Variants in SMARCA2 observed in about 807,000 individuals in gnomAD.
The protein encoded by SMARCA2 is SWI/SNF-related matrix-associated actin-dependent regulator of chromatin subfamily A member 2.
In SMARCA2, 61 loss-of-function variants were observed where a neutral mutation model predicts 199.8. That is an observed-to-expected ratio of 0.31 (90% CI 0.25 to 0.38). SMARCA2 has a LOEUF of 0.38. Ranked by LOEUF, SMARCA2 falls within the 10% of genes least tolerant of loss-of-function variation. SMARCA2 has a pLI of 1.00. For missense variants in SMARCA2, 1,344 were observed against 2,012.2 expected, an observed-to-expected ratio of 0.67 and a Z score of 6.35; for synonymous variants, 935 against 732.0, an observed-to-expected ratio of 1.28 and a Z score of -4.48.
chr9:2,173,134 C>T (rs1826347834), intron 29 of SMARCA2, among the ~76,000 whole-genome samples: 1 of 152,124 alleles, frequency 6.6e-6, no homozygotes, highest in Non-Finnish European at 1.5e-5. Context: ...ACAGCGGTGC[C>T]ATTTACAGAA....
At chr9:2,080,154 C>T (rs977665571) in intron 14 of SMARCA2, 1 of 152,228 alleles carries the variant, frequency 6.6e-6, no homozygotes, top group African/African-American at 2.4e-5. Flanking sequence ...TCATTCTCTC[C>T]ATGAGTAAGC....
At chr9:2,159,943 T>G (rs748467510) in intron 27 of SMARCA2, 251 of 1,588,520 alleles carry the variant, frequency 1.6e-4, no homozygotes, top group Non-Finnish European at 2.1e-4. Flanking sequence ...TCTTGAAGAT[T>G]CAGTAGAACT....
chr9:2,159,325 A>G, intron 27 of SMARCA2: 1 of 276,984 alleles, frequency 3.6e-6, no homozygotes. Context: ...GAGCAGAATA[A>G]CATATTATGT....
At chr9:2,189,635 T>C (rs531398236) in intron 32 of SMARCA2, among the ~76,000 whole-genome samples, 188 of 152,238 alleles carry the variant, frequency 1.2e-3, no homozygotes, top group Non-Finnish European at 2.0e-3. Flanking sequence ...CTCCAGTCTC[T>C]TCTTCTTCTC....
In SMARCA2 at chr9:2,170,485, CT is replaced by C; in HGVS notation, c.4253+15del. On this transcript the variant is annotated intron_variant, in intron 29 of 33. Transcript: ENST00000349721. This position sits in a 1 kb window ranked among gnomAD's most constrained non-coding sequence, Gnocchi z 4.7. ...TAGAAGGAAACAGGTCAGGATCTGT[CT>C]TGTATTCCCCTATCTCTAAATACAG... 1 of 1,614,058 alleles carries C rather than the reference CT, an allele frequency of 6.2e-7. No individual in the cohort carries two copies. The highest frequency in any genetic ancestry group is 8.5e-7 in the Non-Finnish European group (1 of 1,179,940).
At chr9:2,078,619 G>A (rs1033898622) in intron 14 of SMARCA2, among the ~76,000 whole-genome samples, 3 of 152,116 alleles carry the variant, frequency 2.0e-5, no homozygotes, top group Admixed American at 6.5e-5. Flanking sequence ...TGTGTTCCAT[G>A]AGACATTTGT....
intron 28 of SMARCA2, among the ~76,000 whole-genome samples, chr9:2,164,386 A>G (rs1288466097): frequency 6.6e-6 from 1 of 152,184 alleles, no homozygotes; most frequent in African/African-American, 2.4e-5. Context: ...TGACTCTGAC[A>G]TTCACCAGCT....
intron 27 of SMARCA2, among the ~76,000 whole-genome samples, chr9:2,155,214 G>C (rs1402494290): frequency 2.0e-5 from 3 of 152,142 alleles, no homozygotes; most frequent in Admixed American, 2.0e-4. Flanking sequence ...GTTTAATACT[G>C]CTTAAAAGGT....
At chr9:2,174,641 C>A (rs1563827270) in intron 29 of SMARCA2, among the ~76,000 whole-genome samples, 2 of 152,048 alleles carry the variant, frequency 1.3e-5, no homozygotes, top group Non-Finnish European at 2.9e-5. Flanking sequence ...AAGCAAAGGC[C>A]AGGCACAGTG....
chr9:2,160,224 T>C (rs1825593331), intron 27 of SMARCA2: 1 of 386,980 alleles, frequency 2.6e-6, no homozygotes, highest in African/African-American at 2.0e-5. Context: ...TTTTTTTTTT[T>C]TTCCTTTTCC....
intron 27 of SMARCA2, among the ~76,000 whole-genome samples, chr9:2,128,342 G>A (rs2130641995): frequency 6.6e-6 from 1 of 152,312 alleles, no homozygotes; most frequent in East Asian, 1.9e-4. Context: ...GAAATCTGGA[G>A]CCTGGCCACA....
chr9:2,138,786 C>G (rs143115256), intron 27 of SMARCA2, among the ~76,000 whole-genome samples: 2 of 152,304 alleles, frequency 1.3e-5, no homozygotes, highest in East Asian at 1.9e-4. Context: ...CTCTCCTGCT[C>G]TGTCATTCTC....
rs186823083 is a variant in SMARCA2 at position 2,025,557 on chromosome 9, G to A, written c.-36-3430G>A. On this transcript the variant is annotated intron_variant, in intron 1 of 33. Transcript: ENST00000349721. ...CCACCCTACTATGCTTACTGCTGTCGTCACCACCCTATCTCTATTGTCTCA... is the reference window on the plus strand; with the variant it reads ...CCACCCTACTATGCTTACTGCTGTCATCACCACCCTATCTCTATTGTCTCA... 1.8e-4 allele frequency among the ~76,000 whole-genome samples: 28 copies of A among 152,220 alleles called. No individual in the cohort carries two copies. In the East Asian group the frequency reaches 4.4e-3, roughly 24 times the overall value.
intron 3 of SMARCA2, among the ~76,000 whole-genome samples, chr9:2,036,252 G>A (rs12554293): frequency 0.13 from 20,326 of 151,870 alleles, 1,495 homozygotes; most frequent in Admixed American, 0.2. Flanking sequence ...GCACTTAGAA[G>A]TTCAAGATTA....
chr9:2,085,050 G>A (rs998060945), intron 17 of SMARCA2, among the ~76,000 whole-genome samples: 1 of 152,032 alleles, frequency 6.6e-6, no homozygotes, highest in Non-Finnish European at 1.5e-5. Flanking sequence ...TATTTCTGGG[G>A]TCTATTCTAC....
intron 13 of SMARCA2, 133 bp downstream of exon 13, chr9:2,076,462 G>A (rs1175457748): frequency 6.4e-6 from 4 of 624,032 alleles, no homozygotes; most frequent in East Asian, 2.8e-5. Context: ...TGCTCCTAGA[G>A]GTCACCACTG....
chr9:2,146,715 TAAAG>T (rs1397636141), intron 27 of SMARCA2, among the ~76,000 whole-genome samples: 1 of 152,152 alleles, frequency 6.6e-6, no homozygotes, highest in African/African-American at 2.4e-5. Flanking sequence ...ATATGCTAAA[TAAAG>T]AGTGGATTTT....
intron 25 of SMARCA2, among the ~76,000 whole-genome samples, chr9:2,117,815 C>T (rs1823277532): frequency 6.6e-6 from 1 of 152,214 alleles, no homozygotes; most frequent in South Asian, 2.1e-4. Flanking sequence ...CCTGTCCCTT[C>T]TTGGCTGCCA....
At chr9:2,185,887 T>G (rs561760153) in intron 31 of SMARCA2, among the ~76,000 whole-genome samples, 1 of 152,368 alleles carries the variant, frequency 6.6e-6, no homozygotes, top group African/African-American at 2.4e-5. Context: ...TTTGAAATAA[T>G]TTCAACTGCA....
Sources: allele counts gnomAD v4.1 joint callset (sites outside exome capture counted in the v4.1 genomes callset), GRCh38; gene constraint gnomAD v4.1.1; non-coding constraint Gnocchi (gnomAD v3.1); transcripts MANE v1.5; gene names NCBI Gene and HGNC (gene_info 2026-07-23, HGNC 2026-07-21).